Variants in SYTL2 observed in about 807,000 individuals in gnomAD.
SYTL2 encodes synaptotagmin-like protein 2.
In SYTL2, 165 loss-of-function variants were observed where a neutral mutation model predicts 198.7. The ratio of observed to expected loss-of-function variants is 0.83; its 90% confidence interval spans 0.73 to 0.94. The LOEUF is 0.94. SYTL2 is among the 40% of genes least tolerant of loss of function. The pLI, the probability that SYTL2 is intolerant of heterozygous loss-of-function variation, is 0.00. For synonymous variants in SYTL2, 966 were observed against 917.7 expected (o/e 1.05, Z -0.95); for missense variants, 2,835 against 2,582.8 (o/e 1.10, Z -2.12).
At chr11:85,767,256 T>C (rs552939334) in intron 1 of SYTL2, among the ~76,000 whole-genome samples, 18 of 152,330 alleles carry the variant, frequency 1.2e-4, no homozygotes, top group African/African-American at 2.9e-4. Flanking sequence ...CTGCCTAACA[T>C]TGGAGCTAGG....
the SYTL2 span, chr11:85,853,740 G>A: frequency 6.7e-6 from 1 of 150,246 alleles, no homozygotes; most frequent in Non-Finnish European, 1.5e-5. Flanking sequence ...CATAGTAAAC[G>A]AACAAGATAG....
chr11:85,806,195 G>T (rs749179398), intron 1 of SYTL2, among the ~76,000 whole-genome samples: 3 of 152,228 alleles, frequency 2.0e-5, no homozygotes, highest in Non-Finnish European at 2.9e-5. Context: ...AAACCACAAA[G>T]TCTGAGCCCT....
chr11:85,818,422 C>T, the SYTL2 span, among the ~76,000 whole-genome samples: 140 of 152,142 alleles, frequency 9.2e-4, 1 homozygote, highest in Non-Finnish European at 1.6e-3. Context: ...GATTCTCTTT[C>T]AAAAATAGTT....
chr11:85,752,930 A>C (rs1269580509), intron 2 of SYTL2, among the ~76,000 whole-genome samples: 5 of 132,056 alleles, frequency 3.8e-5, no homozygotes, highest in African/African-American at 1.3e-4. Context: ...AAAAAAAAAA[A>C]AAAAAAAAAA....
intron 1 of SYTL2, among the ~76,000 whole-genome samples, chr11:85,794,973 A>G (rs1592057484): frequency 1.3e-5 from 2 of 152,298 alleles, no homozygotes; most frequent in East Asian, 1.9e-4. Context: ...GGAGAGGTTA[A>G]GTGGCTGTAC....
At chr11:85,831,163 T>C in the SYTL2 span, among the ~76,000 whole-genome samples, 1 of 152,316 alleles carries the variant, frequency 6.6e-6, no homozygotes, top group South Asian at 2.1e-4. Context: ...TACTCATAAT[T>C]CATCAATTGT....
At chr11:85,701,017 C>A (rs1328654927) in intron 16 of SYTL2, among the ~76,000 whole-genome samples, 2 of 152,116 alleles carry the variant, frequency 1.3e-5, no homozygotes, top group African/African-American at 4.8e-5. Flanking sequence ...GGGGGAAAGG[C>A]CATATCTTAC....
At chr11:85,707,263 C>A (rs182062075) in intron 15 of SYTL2, among the ~76,000 whole-genome samples, 166 bp downstream of exon 15, 52 of 152,272 alleles carry the variant, frequency 3.4e-4, no homozygotes, top group African/African-American at 1.2e-3. Context: ...ATAACGTATA[C>A]AACATTCAGG....
the SYTL2 span, among the ~76,000 whole-genome samples, chr11:85,849,253 T>C: frequency 5.4e-4 from 83 of 152,348 alleles, no homozygotes; most frequent in Middle Eastern, 3.4e-3. Flanking sequence ...CTGTTCACTC[T>C]GATGGTAGTT....
chr11:85,786,451 T>C (rs1368574957), intron 1 of SYTL2, among the ~76,000 whole-genome samples: 2 of 152,228 alleles, frequency 1.3e-5, no homozygotes, highest in Non-Finnish European at 2.9e-5. Flanking sequence ...AGTTGTGATA[T>C]ACTATAGTTG....
chr11:85,709,168 G>A (rs1412442846), intron 14 of SYTL2, among the ~76,000 whole-genome samples, 163 bp downstream of exon 14: 1 of 151,990 alleles, frequency 6.6e-6, no homozygotes, highest in African/African-American at 2.4e-5. Context: ...TTTAATGTTT[G>A]ACATATGAAT....
At chr11:85,852,425 C>A in the SYTL2 span, 1 of 152,686 alleles carries the variant, frequency 6.5e-6, no homozygotes, top group Non-Finnish European at 1.5e-5. Flanking sequence ...TGATACCCAG[C>A]GGAAGCTGGA....
At chr11:85,763,435 G>A (rs562935714) in intron 1 of SYTL2, among the ~76,000 whole-genome samples, 1 of 152,342 alleles carries the variant, frequency 6.6e-6, no homozygotes, top group South Asian at 2.1e-4. Flanking sequence ...GCAGCAAAGA[G>A]TGGATCTGGG....
Position 85,757,765 on chromosome 11 carries a change from C to T in SYTL2, c.-40G>A, listed in dbSNP as rs2091952852. 1.2e-6 allele frequency: 2 copies of T among 1,603,242 alleles called. No homozygotes were observed. The highest frequency in any genetic ancestry group is 1.1e-5 in the South Asian group (1 of 91,004). ...GCAAAAATAATAGCAACAAATGTGG[C>T]TCAAAATTCTCAGGGCTGAACAACT... On this transcript the variant is annotated 5_prime_UTR_variant, in exon 2 of 20. Transcript: ENST00000359152.
At chr11:85,825,967 A>G in the SYTL2 span, among the ~76,000 whole-genome samples, 1 of 152,240 alleles carries the variant, frequency 6.6e-6, no homozygotes, top group African/African-American at 2.4e-5. Context: ...ACTGCCACGG[A>G]GAGAAAGAGT....
chr11:85,732,597 G>A (rs1342983880), intron 7 of SYTL2, among the ~76,000 whole-genome samples: 1 of 152,112 alleles, frequency 6.6e-6, no homozygotes, highest in Non-Finnish European at 1.5e-5. Context: ...CTGTTGGGGT[G>A]GGCAGGGGGT....
Position 85,720,917 on chromosome 11 carries a change from C to T in SYTL2, c.5369G>A (p.Arg1790Lys). Residue 1790 changes from arginine to lysine, a missense_variant, in exon 9 of 20, where the codon AGG becomes AAG. By Grantham distance (26) the Arg-to-Lys change is conservative. Around this residue, in one of 3 missense-constraint regions of SYTL2, gnomAD observed 2,645 missense variants for 2,381.7 expected, o/e 1.11. Transcript: ENST00000359152. ...GGAAGGCATTTTCCTAGCGGCACTC[C>T]TTTCCAAAGTTTTCAAAACAGGACT... is the stretch of plus-strand genomic sequence containing the variant. Reference protein sequence around the residue: ...EPSPVLKTLERSAARKMPSKS... With the variant: ...EPSPVLKTLEKSAARKMPSKS... 6.2e-7 allele frequency: 1 copy of T among 1,613,658 alleles called. No individual in the cohort carries two copies. Among genetic ancestry groups the T allele is most frequent in the East Asian group, 2.2e-5 (1 of 44,860 alleles).
chr11:85,734,136 G>C lies in SYTL2; in HGVS notation c.1193C>G (p.Ser398Ter). ...RKPSLFHQST[S>*]SPYVSKSETH... ...TTCACTTTTTGATACATATGGGCTTGAGGTTGATTGATGAAAAAGCGAAGG... is the reference window on the plus strand; with the variant it reads ...TTCACTTTTTGATACATATGGGCTTCAGGTTGATTGATGAAAAAGCGAAGG... Residue 398 changes from serine to a stop codon, truncating the protein, a stop_gained, in exon 7 of 20, where the codon TCA (serine) becomes TGA (stop). Coordinates refer to ENST00000359152, the MANE Select transcript of SYTL2 (RefSeq NM_206927.4). LOFTEE classifies it high-confidence loss of function. 6.2e-7 allele frequency: 1 copy of C among 1,614,206 alleles called. No individual in the cohort carries two copies. Among genetic ancestry groups the C allele is most frequent in the Non-Finnish European group, 8.5e-7 (1 of 1,180,016 alleles).
chr11:85,702,501 A>T (rs1381780627), intron 16 of SYTL2, among the ~76,000 whole-genome samples: 1 of 152,184 alleles, frequency 6.6e-6, no homozygotes, highest in Non-Finnish European at 1.5e-5. Flanking sequence ...TCTGTGATTT[A>T]ATAAGTCCTT....
Sources: allele counts gnomAD v4.1 joint callset (sites outside exome capture counted in the v4.1 genomes callset), GRCh38; gene constraint gnomAD v4.1.1; regional missense constraint gnomAD v4.1.1; transcripts MANE v1.5; gene names NCBI Gene and HGNC (gene_info 2026-07-23, HGNC 2026-07-21).